The following DPYSL5 variants were observed in gnomAD, a reference collection of about 807,000 sequenced individuals.
DPYSL5 encodes dihydropyrimidinase like 5, also known as dihydropyrimidinase-related protein 5.
Under a neutral mutation model 58.4 loss-of-function variants are expected in DPYSL5, and 9 were observed. The observed-to-expected ratio is 0.15, with a 90% confidence interval of 0.09 to 0.27. DPYSL5 has a LOEUF of 0.27. Ranked by LOEUF, DPYSL5 falls within the 10% of genes least tolerant of loss-of-function variation. The pLI is 1.00. For synonymous variants in DPYSL5, 293 were observed against 301.9 expected (o/e 0.97, Z 0.31); for missense variants, 499 against 770.6 (o/e 0.65, Z 4.17).
rs1422776764 is a variant in DPYSL5 at position 26,905,518 on chromosome 2, G to T, written c.261+6758G>T. On this transcript the variant is annotated intron_variant, in intron 2 of 12. Transcript: ENST00000288699. This position sits in a 1 kb window ranked among gnomAD's most constrained non-coding sequence, Gnocchi z 4.0. ...GCTTGGCCAGCAGGCACCCTGGCAG[G>T]CCTTCTCTGGGAATCGGCCCTCACC... 6.6e-6 allele frequency among the ~76,000 whole-genome samples: 1 copy of T among 152,160 alleles called. No homozygotes were observed. Among genetic ancestry groups the T allele is most frequent in the Non-Finnish European group, 1.5e-5 (1 of 68,034 alleles).
At chr2:26,858,194 C>T (rs1369250335) in intron 1 of DPYSL5, among the ~76,000 whole-genome samples, 4 of 125,152 alleles carry the variant, frequency 3.2e-5, no homozygotes, top group South Asian at 2.5e-4. Flanking sequence ...TTTTTTGAGA[C>T]GGAGTCTCTC....
chr2:26,858,074 G>C (rs968665165), intron 1 of DPYSL5, among the ~76,000 whole-genome samples: 2 of 152,154 alleles, frequency 1.3e-5, no homozygotes, highest in African/African-American at 4.8e-5. Context: ...TCCATTCACA[G>C]CCCAAATTGT....
intron 1 of DPYSL5, among the ~76,000 whole-genome samples, chr2:26,886,614 T>C (rs1002474791): frequency 1.3e-5 from 2 of 152,220 alleles, no homozygotes; most frequent in East Asian, 3.8e-4. Flanking sequence ...ATTAGTTAAG[T>C]TTTTACTGTT....
chr2:26,932,212 G>GAAAGAAAGAAAGA lies in DPYSL5; in HGVS notation c.714+531_714+543dup, dbSNP rs1665049548. Reference sequence around the variant, plus strand: ...GAAAGAAAGAAAGAAAGAAAGAAAAGAAAGAAAGAAAGAAAGAAAGAAAAC... The same window carrying GAAAGAAAGAAAGA: ...GAAAGAAAGAAAGAAAGAAAGAAAAGAAAGAAAGAAAGAAAAGAAAGAAAGAAAGAAAGAAAAC... On this transcript the variant is annotated intron_variant, in intron 6 of 12. Coordinates refer to ENST00000288699, the MANE Select transcript of DPYSL5 (RefSeq NM_020134.4). Among the ~76,000 whole-genome samples, 196 of 58,492 alleles carry GAAAGAAAGAAAGA rather than the reference G, an allele frequency of 3.4e-3. 3 individuals are homozygous for GAAAGAAAGAAAGA. Among genetic ancestry groups the GAAAGAAAGAAAGA allele is most frequent in the Non-Finnish European group, 4.4e-3 (123 of 28,158 alleles). 38.4% of individuals were successfully genotyped at this position (58,492 alleles called of 152,430 possible). A position where few individuals can be genotyped will look rare whatever the true frequency, so the allele number is the denominator to read the frequency against.
At position 26,849,927 on chromosome 2, in the gene DPYSL5, C is replaced by T. The variant is rs1201850626; in HGVS notation, c.-5+1673C>T. Among the ~76,000 whole-genome samples, 2 of 152,212 alleles carry T rather than the reference C, an allele frequency of 1.3e-5. No individual in the cohort carries two copies. The highest frequency in any genetic ancestry group is 6.4e-3 in the Middle Eastern group (2 of 314). On this transcript the variant is annotated intron_variant, in intron 1 of 12. Coordinates refer to ENST00000288699, the MANE Select transcript of DPYSL5 (RefSeq NM_020134.4). The surrounding 1 kb of genome is among the most constrained non-coding windows in gnomAD (Gnocchi z 6.2). ...CGCCGCCCGCCCCGCGCTGTCCACC[C>T]GCTGCCGAGACGCGGCGTGGTTAGC...
chr2:26,887,578 G>T (rs1056057482), intron 1 of DPYSL5, among the ~76,000 whole-genome samples: 4 of 152,214 alleles, frequency 2.6e-5, no homozygotes, highest in African/African-American at 9.7e-5. Context: ...TCAAGAAGCA[G>T]CAGCTGCCAT....
In DPYSL5 at chr2:26,948,083, ACAC is replaced by A; in HGVS notation, c.*1089_*1091del. The A allele has an allele frequency of 6.5e-6, 1 of 153,136 alleles. No individual in the cohort carries two copies. 9.5% of individuals were successfully genotyped at this position (153,136 alleles called of 1,614,324 possible). ...TGTCTTCACCTGCCACCACACACAC[ACAC>A]ACACACACACACACACACACACACG... is the stretch of plus-strand genomic sequence containing the variant. On this transcript the variant is annotated 3_prime_UTR_variant, in exon 13 of 13. Coordinates refer to ENST00000288699, the MANE Select transcript of DPYSL5 (RefSeq NM_020134.4).
At chr2:26,945,509 C>CGT (rs2148179672) in intron 12 of DPYSL5, among the ~76,000 whole-genome samples, 1 of 147,926 alleles carries the variant, frequency 6.8e-6, no homozygotes, top group South Asian at 2.2e-4. Context: ...CCCGCCCCCC[C>CGT]GTCCCCCCCC....
chr2:26,947,497 CCTAT>C lies in DPYSL5; in HGVS notation c.*505_*508del, dbSNP rs1665519242. On this transcript the variant is annotated 3_prime_UTR_variant, in exon 13 of 13. Coordinates refer to ENST00000288699, the MANE Select transcript of DPYSL5 (RefSeq NM_020134.4). This position sits in a 1 kb window ranked among gnomAD's most constrained non-coding sequence, Gnocchi z 4.2. ...AGCTTCCCAGCCATGCCCAGGACGT[CCTAT>C]CTCCCCCAACCCACCTCTGGCCCTG... 2 of 155,364 alleles carry C rather than the reference CCTAT, an allele frequency of 1.3e-5. No individual in the cohort carries two copies. The highest frequency in any genetic ancestry group is 2.4e-5 in the African/African-American group (1 of 41,548). 9.6% of individuals were successfully genotyped at this position (155,364 alleles called of 1,614,324 possible).
Position 26,944,452 on chromosome 2 carries a change from A to G in DPYSL5, c.1441-204A>G, listed in dbSNP as rs6708148. 0.51 allele frequency among the ~76,000 whole-genome samples: 78,109 copies of G among 151,918 alleles called. 21,431 individuals are homozygous for G. Among genetic ancestry groups the G allele is most frequent in the East Asian group, 0.68 (3,500 of 5,152 alleles). On this transcript the variant is annotated intron_variant, in intron 11 of 12. Transcript: ENST00000288699. This position sits in a 1 kb window ranked among gnomAD's most constrained non-coding sequence, Gnocchi z 4.4. ...CATGCACGCATGCACACATGTACAC[A>G]TATGCACATGCTCTTTAGGAGGTAT...
In DPYSL5 at chr2:26,884,239, A is replaced by G. The variant is rs111987963; in HGVS notation, c.-4-14257A>G. ...TTGTCCTTCCCCAGCTAAAGCCCCA[A>G]TCGGGAGTCAGGAGTCCTTGTCTCC... is the stretch of plus-strand genomic sequence containing the variant. On this transcript the variant is annotated intron_variant, in intron 1 of 12. Coordinates refer to ENST00000288699, the MANE Select transcript of DPYSL5 (RefSeq NM_020134.4). Among the ~76,000 whole-genome samples the G allele has an allele frequency of 5.2e-3, 795 of 152,242 alleles. 6 individuals are homozygous for G. Among genetic ancestry groups the G allele is most frequent in the African/African-American group, 0.018 (759 of 41,536 alleles).
intron 2 of DPYSL5, among the ~76,000 whole-genome samples, chr2:26,919,341 A>ACATTAATATAT (rs1664649977): frequency 6.6e-6 from 1 of 152,212 alleles, no homozygotes; most frequent in South Asian, 2.1e-4. Flanking sequence ...CATAAAATGG[A>ACATTAATATAT]TTACCATTAA....
At chr2:26,921,651 A>G (rs571321240) in intron 2 of DPYSL5, among the ~76,000 whole-genome samples, 35 of 152,306 alleles carry the variant, frequency 2.3e-4, no homozygotes, top group African/African-American at 8.4e-4. Flanking sequence ...CTTGCCTAAG[A>G]GGAAACAAGT....
At chr2:26,851,378 C>G (rs1223072185) in intron 1 of DPYSL5, among the ~76,000 whole-genome samples, 3 of 48,206 alleles carry the variant, frequency 6.2e-5, no homozygotes, top group African/African-American at 2.1e-4. Context: ...TCTCTAGGTG[C>G]AAACATTAGC....
At chr2:26,926,999 G>A (rs1052412248) in intron 3 of DPYSL5, among the ~76,000 whole-genome samples, 2 of 152,224 alleles carry the variant, frequency 1.3e-5, no homozygotes, top group African/African-American at 2.4e-5. Flanking sequence ...GGAGAAACGT[G>A]CCTATAAGGT....
At chr2:26,928,483 C>T (rs1664881018) in intron 5 of DPYSL5, among the ~76,000 whole-genome samples, 160 bp downstream of exon 5, 1 of 151,154 alleles carries the variant, frequency 6.6e-6, no homozygotes, top group South Asian at 2.1e-4. Flanking sequence ...TGGCTTGAAC[C>T]CAGGAATTTA....
At position 26,931,693 on chromosome 2, in the gene DPYSL5, C is replaced by G; in HGVS notation, c.714+9C>G. On this transcript the variant is annotated intron_variant, in intron 6 of 12. Transcript: ENST00000288699. Reference sequence around the variant, plus strand: ...TCACCATTGCAAACAGGGTAAGTCCCCCGATGTCCACTGTGGGATTAGAAA... The same window carrying G: ...TCACCATTGCAAACAGGGTAAGTCCGCCGATGTCCACTGTGGGATTAGAAA... The G allele has an allele frequency of 1.2e-6, 2 of 1,613,676 alleles. No homozygotes were observed. Among genetic ancestry groups the G allele is most frequent in the Non-Finnish European group, 1.7e-6 (2 of 1,179,832 alleles).
Position 26,924,441 on chromosome 2 carries a change from T to A in DPYSL5, c.262-446T>A, listed in dbSNP as rs2148157676. 6.6e-6 allele frequency among the ~76,000 whole-genome samples: 1 copy of A among 152,364 alleles called. No homozygotes were observed. Among genetic ancestry groups the A allele is most frequent in the Non-Finnish European group, 1.5e-5 (1 of 68,038 alleles). Reference sequence around the variant, plus strand: ...AAATATACGTGTGTAACTAAGTAAATGATATAAACAGACATTTGATTATGC... The same window carrying A: ...AAATATACGTGTGTAACTAAGTAAAAGATATAAACAGACATTTGATTATGC... On this transcript the variant is annotated intron_variant, in intron 2 of 12. Transcript: ENST00000288699. This position sits in a 1 kb window ranked among gnomAD's most constrained non-coding sequence, Gnocchi z 4.7.
Position 26,942,814 on chromosome 2 carries a change from CTG to C in DPYSL5, c.1440+66_1440+67del, listed in dbSNP as rs1246955341. On this transcript the variant is annotated intron_variant, in intron 11 of 12. Transcript: ENST00000288699. This position sits in a 1 kb window ranked among gnomAD's most constrained non-coding sequence, Gnocchi z 5.9. ...CCCTGCCGGGGAACATCCTCCATGA[CTG>C]TTTTAAATCTCAAAGAGATGTTCAC... 2.2e-5 allele frequency: 34 copies of C among 1,560,302 alleles called. No homozygotes were observed. In the Admixed American group the frequency reaches 2.6e-4, roughly 12 times the overall value.
Sources: allele counts gnomAD v4.1 joint callset (sites outside exome capture counted in the v4.1 genomes callset), GRCh38; gene constraint gnomAD v4.1.1; non-coding constraint Gnocchi (gnomAD v3.1); transcripts MANE v1.5; gene names NCBI Gene and HGNC (gene_info 2026-07-23, HGNC 2026-07-21).